Variants in FAM184A observed in about 807,000 individuals in gnomAD.
FAM184A encodes family with sequence similarity 184 member A.
Under a neutral mutation model 143.8 loss-of-function variants are expected in FAM184A, and 99 were observed. The ratio of observed to expected loss-of-function variants is 0.69; its 90% CI spans 0.58 to 0.81. The LOEUF is 0.81. Ranked by LOEUF, FAM184A falls within the 40% of genes least tolerant of loss-of-function variation. The pLI is 0.00. For missense variants in FAM184A, 1,217 were observed against 1,310.5 expected (o/e 0.93, Z 1.10); for synonymous variants, 427 against 446.4 (o/e 0.96, Z 0.55).
rs147098453 is a variant in FAM184A at position 119,098,529 on chromosome 6, G to A, written c.-202+50549C>T. Among the ~76,000 whole-genome samples, 324 of 152,290 alleles carry A rather than the reference G, an allele frequency of 2.1e-3. 4 individuals are homozygous for A. Among genetic ancestry groups the A allele is most frequent in the East Asian group, 0.018 (93 of 5,186 alleles). On this transcript the variant is annotated intron_variant, in intron 1 of 16. Transcript: ENST00000352896. ...AATCATAAATGTATGAAGGCTATAC[G>A]TTGGTTTGGCTTAAAATGGTGAGAT...
At position 119,002,968 on chromosome 6, in the gene FAM184A, C is replaced by A. The variant is rs374187029; in HGVS notation, c.2019G>T (p.Gln673His). ...DKKSAMSQLL[Q>H]LKDREKNAAR... ...CTGCATTTTTCTCTCGATCTTTCAACTGCAAAAGTTGAGACATTGCTGACT... is the reference window on the plus strand; with the variant it reads ...CTGCATTTTTCTCTCGATCTTTCAAATGCAAAAGTTGAGACATTGCTGACT... The change falls in exon 9 of 18, where the codon CAG becomes CAT. Residue 673 changes from glutamine to histidine, a missense_variant. Physicochemically the swap from Gln to His is conservative, Grantham distance 24. Transcript: ENST00000338891. 6.2e-7 allele frequency: 1 copy of A among 1,612,998 alleles called. No homozygotes were observed. Among genetic ancestry groups the A allele is most frequent in the Non-Finnish European group, 8.5e-7 (1 of 1,179,608 alleles).
chr6:119,005,010 CAACT>C (rs1784878635), intron 7 of FAM184A, among the ~76,000 whole-genome samples: 1 of 152,086 alleles, frequency 6.6e-6, no homozygotes. Flanking sequence ...AGAAATATTT[CAACT>C]GTCTACTTTT....
intron 17 of FAM184A, 74 bp from the exon 18 acceptor site, chr6:118,960,258 ACAT>A: frequency 8.3e-7 from 1 of 1,205,252 alleles, no homozygotes. Context: ...AGCACATAAA[ACAT>A]CAGCATAGAT....
intron 1 of FAM184A, among the ~76,000 whole-genome samples, chr6:119,051,662 A>G (rs759329882): frequency 6.6e-6 from 1 of 151,778 alleles, no homozygotes; most frequent in Non-Finnish European, 1.5e-5. Context: ...TACCCACAAA[A>G]TTTTTTTTTA....
chr6:119,031,637 A>G (rs978934367), intron 1 of FAM184A: 4 of 152,256 alleles, frequency 2.6e-5, no homozygotes, highest in African/African-American at 9.6e-5. Context: ...ATTAGTCATA[A>G]GATAAATTCA....
At chr6:119,099,774 G>A (rs1400581448) in intron 1 of FAM184A, among the ~76,000 whole-genome samples, 1 of 152,038 alleles carries the variant, frequency 6.6e-6, no homozygotes, top group African/African-American at 2.4e-5. Context: ...CACCTGAAGA[G>A]GGCATGGAAA....
At chr6:119,046,612 T>A (rs1275911586) in intron 1 of FAM184A, among the ~76,000 whole-genome samples, 1 of 152,016 alleles carries the variant, frequency 6.6e-6, no homozygotes, top group Non-Finnish European at 1.5e-5. Flanking sequence ...ACTATGCCCA[T>A]GCAATTTCCT....
At chr6:119,096,125 G>T (rs1055580827) in intron 1 of FAM184A, among the ~76,000 whole-genome samples, 2 of 152,010 alleles carry the variant, frequency 1.3e-5, no homozygotes, top group African/African-American at 4.8e-5. Context: ...GGTGACATTG[G>T]GTACCAGGGG....
chr6:119,063,103 T>C (rs1787319182), intron 1 of FAM184A, among the ~76,000 whole-genome samples: 1 of 152,208 alleles, frequency 6.6e-6, no homozygotes, highest in Non-Finnish European at 1.5e-5. Context: ...CAAAAATCCA[T>C]ATACCTAGTA....
chr6:119,014,963 G>T (rs1164198714), intron 5 of FAM184A, among the ~76,000 whole-genome samples: 2 of 152,008 alleles, frequency 1.3e-5, no homozygotes, highest in East Asian at 3.9e-4. Flanking sequence ...GGAGGCTGAG[G>T]CAGGAGACTT....
chr6:118,976,040 G>A lies in FAM184A; in HGVS notation c.2460C>T (p.Ser820=). ...GTTGATGGTTGAGTTCTGAGCGCAA[G>A]GAAGCTGGAATTGCAAGGCAAAAAT... ...LEDEGKAMLA[S]LRSELNHQHA... Residue 820 remains serine (S), a synonymous_variant, in exon 12 of 18, where the codon TCC becomes TCT. Transcript: ENST00000338891. The A allele has an allele frequency of 6.2e-7, 1 of 1,609,952 alleles. No individual in the cohort carries two copies. The highest frequency in any genetic ancestry group is 8.5e-7 in the Non-Finnish European group (1 of 1,179,036).
intron 5 of FAM184A, among the ~76,000 whole-genome samples, chr6:119,012,184 A>G (rs1264061275): frequency 6.6e-6 from 1 of 152,172 alleles, no homozygotes; most frequent in Non-Finnish European, 1.5e-5. Flanking sequence ...AGCATGTGCT[A>G]AGGCTTTTTC....
intron 3 of FAM184A, among the ~76,000 whole-genome samples, chr6:119,020,384 TA>T (rs1362021165): frequency 6.6e-6 from 1 of 152,232 alleles, no homozygotes; most frequent in Admixed American, 6.5e-5. Context: ...TTCACATGAT[TA>T]ATGTTGCTTC....
In FAM184A at chr6:119,078,337, G is replaced by A; in HGVS notation, c.-38C>T. The A allele has an allele frequency of 2.8e-6, 4 of 1,419,426 alleles. No homozygotes were observed. In the South Asian group the frequency reaches 4.4e-5, roughly 16 times the overall value. 87.9% of individuals were successfully genotyped at this position (1,419,426 alleles called of 1,614,324 possible). A position where few individuals can be genotyped will look rare whatever the true frequency, so the allele number is the denominator to read the frequency against. ...CCCCAGCCGGGGCACCTGTCCCCGCGGGTGGAGGCAGGCCCGTGGAGCAAC... is the reference window on the plus strand; with the variant it reads ...CCCCAGCCGGGGCACCTGTCCCCGCAGGTGGAGGCAGGCCCGTGGAGCAAC... On this transcript the variant is annotated 5_prime_UTR_variant, in exon 1 of 18. Coordinates refer to ENST00000338891, the MANE Select transcript of FAM184A (RefSeq NM_024581.6). This position sits in a 1 kb window ranked among gnomAD's most constrained non-coding sequence, Gnocchi z 5.5.
intron 5 of FAM184A, among the ~76,000 whole-genome samples, chr6:119,013,051 A>G (rs946869098): frequency 6.6e-6 from 1 of 152,156 alleles, no homozygotes; most frequent in Non-Finnish European, 1.5e-5. Context: ...AGGTTCAGAC[A>G]TGAGGTAGAC....
At chr6:119,025,454 G>A (rs1785597444) in intron 1 of FAM184A, 1 of 518,718 alleles carries the variant, frequency 1.9e-6, no homozygotes, top group Admixed American at 1.9e-5. Flanking sequence ...TATTTCAAAT[G>A]CTGTAGTTTT....
chr6:119,069,621 T>C (rs906997725), intron 1 of FAM184A, among the ~76,000 whole-genome samples: 1 of 152,180 alleles, frequency 6.6e-6, no homozygotes, highest in Non-Finnish European at 1.5e-5. Flanking sequence ...AAATTAAATA[T>C]CAGCATTCAT....
chr6:118,975,347 T>C, intron 12 of FAM184A, 139 bp from the exon 13 acceptor site: 1 of 629,564 alleles, frequency 1.6e-6, no homozygotes, highest in Admixed American at 3.1e-5. Flanking sequence ...ACTGCTGAAA[T>C]GAGAAAACCT....
intron 3 of FAM184A, among the ~76,000 whole-genome samples, chr6:119,022,053 CTT>C (rs34128659): frequency 0.023 from 1,933 of 84,392 alleles, 17 homozygotes; most frequent in Middle Eastern, 0.08. Flanking sequence ...TTCGTTCTTT[CTT>C]TTTTTTTTTT....
Sources: gnomAD v4.1 joint callset for allele counts (sites outside exome capture counted in the v4.1 genomes callset) on GRCh38, gnomAD v4.1.1 for gene constraint, Gnocchi (gnomAD v3.1) non-coding constraint, MANE v1.5 for transcripts, NCBI Gene and HGNC (gene_info 2026-07-23, HGNC 2026-07-21) for gene names.